The following GNAQ variants were observed in gnomAD, a reference collection of about 807,000 sequenced individuals.
GNAQ encodes guanine nucleotide-binding protein G(q) subunit alpha.
In GNAQ, 8 loss-of-function variants were observed where a neutral mutation model predicts 43.9. That is an observed-to-expected ratio of 0.18 (90% CI 0.11 to 0.33). The LOEUF is 0.33. Among genes scored for constraint, GNAQ ranks in the 10% least tolerant of loss-of-function variants. The probability of loss-of-function intolerance (pLI) is 1.00; values close to 1 mark genes in which losing one functional copy is unlikely to be tolerated. For missense variants in GNAQ, 158 were observed against 450.8 expected (o/e 0.35, Z 5.88); for synonymous variants, 155 against 170.7 (o/e 0.91, Z 0.71).
At chr9:78,019,710 G>C (rs951743311) in intron 1 of GNAQ, among the ~76,000 whole-genome samples, 1 of 152,154 alleles carries the variant, frequency 6.6e-6, no homozygotes, top group African/African-American at 2.4e-5. Flanking sequence ...ATCACCTGAG[G>C]TCAGGAGTTT....
At chr9:77,947,315 T>C (rs927036462) in intron 1 of GNAQ, among the ~76,000 whole-genome samples, 15 of 152,210 alleles carry the variant, frequency 9.9e-5, no homozygotes, top group Non-Finnish European at 1.2e-4. Context: ...TGGACTGTAC[T>C]TCCCAGGGGC....
intron 5 of GNAQ, among the ~76,000 whole-genome samples, chr9:77,785,624 C>A (rs187978231): frequency 1.3e-3 from 195 of 152,292 alleles, no homozygotes; most frequent in African/African-American, 4.5e-3. Context: ...AATCTGTATA[C>A]TTTTCTATAC....
At chr9:77,985,106 C>T (rs1047838100) in intron 1 of GNAQ, among the ~76,000 whole-genome samples, 75 of 152,088 alleles carry the variant, frequency 4.9e-4, no homozygotes, top group African/African-American at 1.7e-3. Flanking sequence ...GTGAGGAGAT[C>T]GAGACCATCC....
intron 6 of GNAQ, among the ~76,000 whole-genome samples, chr9:77,722,639 T>C (rs1041814750): frequency 1.3e-5 from 2 of 149,466 alleles, no homozygotes; most frequent in African/African-American, 2.5e-5. Context: ...TTAAAAACTT[T>C]ATGTATCTAA....
At chr9:77,801,251 G>A (rs912383514) in intron 3 of GNAQ, among the ~76,000 whole-genome samples, 1 of 152,178 alleles carries the variant, frequency 6.6e-6, no homozygotes, top group Admixed American at 6.5e-5. Flanking sequence ...CCACTTACAA[G>A]GGGTTAGAGG....
At chr9:77,794,673 C>G (rs1306080267) in intron 4 of GNAQ, 81 bp from the exon 5 acceptor site, 1 of 718,788 alleles carries the variant, frequency 1.4e-6, no homozygotes, top group East Asian at 2.8e-5. Context: ...TACTTACAAA[C>G]TTAGGGAAAA....
intron 3 of GNAQ, among the ~76,000 whole-genome samples, chr9:77,809,642 C>T (rs937800890): frequency 6.6e-6 from 1 of 152,166 alleles, no homozygotes; most frequent in African/African-American, 2.4e-5. Flanking sequence ...GAAGAATTCA[C>T]CAAATTAAGG....
chr9:77,881,662 G>A (rs1828209356), intron 2 of GNAQ, among the ~76,000 whole-genome samples: 1 of 152,144 alleles, frequency 6.6e-6, no homozygotes, highest in Non-Finnish European at 1.5e-5. Context: ...GGGATTACAG[G>A]CATGAGCCAC....
In GNAQ at chr9:77,817,656, C is replaced by T. The variant is rs568899846; in HGVS notation, c.322-1886G>A. 3.2e-4 allele frequency among the ~76,000 whole-genome samples: 49 copies of T among 152,298 alleles called. No individual in the cohort carries two copies. The East Asian group carries it at 3.9e-3, about 12-fold the overall frequency. ...AAATATATAATGAATACATCTACAA[C>T]GCACAGAGCACCAAAATGTTAAGAC... On this transcript the variant is annotated intron_variant, in intron 2 of 6. Transcript: ENST00000286548.
At chr9:77,818,037 A>G (rs921041689) in intron 2 of GNAQ, among the ~76,000 whole-genome samples, 2 of 152,182 alleles carry the variant, frequency 1.3e-5, no homozygotes, top group Admixed American at 1.3e-4. Flanking sequence ...AAACAAAAAA[A>G]AACTGTCTTG....
chr9:77,918,088 G>A (rs1828940268), intron 2 of GNAQ, among the ~76,000 whole-genome samples: 1 of 152,124 alleles, frequency 6.6e-6, no homozygotes, highest in Non-Finnish European at 1.5e-5. Context: ...AGGAGCAACA[G>A]AAACCTCAGT....
intron 2 of GNAQ, among the ~76,000 whole-genome samples, chr9:77,914,255 T>G (rs1828858712): frequency 6.6e-6 from 1 of 152,188 alleles, no homozygotes; most frequent in Non-Finnish European, 1.5e-5. Flanking sequence ...TCCATGGTGA[T>G]TCAACTCCCA....
intron 1 of GNAQ, among the ~76,000 whole-genome samples, chr9:78,012,549 T>C (rs1181175578): frequency 6.6e-6 from 1 of 152,030 alleles, no homozygotes; most frequent in Admixed American, 6.6e-5. Flanking sequence ...AGGAAATATA[T>C]CACCCATGGA....
intron 1 of GNAQ, among the ~76,000 whole-genome samples, chr9:78,022,071 C>T (rs1823917538): frequency 6.6e-6 from 1 of 152,192 alleles, no homozygotes; most frequent in South Asian, 2.1e-4. Context: ...CTTGCTAAGG[C>T]TTCATTCACA....
chr9:77,871,641 T>TGGC (rs1828039606), intron 2 of GNAQ, among the ~76,000 whole-genome samples: 1 of 152,196 alleles, frequency 6.6e-6, no homozygotes, highest in Non-Finnish European at 1.5e-5. Context: ...TGCCTCTTGG[T>TGGC]GGCTTCCTCC....
chr9:77,971,510 C>G (rs561279739), intron 1 of GNAQ, among the ~76,000 whole-genome samples: 1 of 152,292 alleles, frequency 6.6e-6, no homozygotes, highest in South Asian at 2.1e-4. Context: ...ATCACATGAA[C>G]AGAACCAACG....
At chr9:77,735,444 CTG>C (rs1825562851) in intron 5 of GNAQ, among the ~76,000 whole-genome samples, 1 of 152,126 alleles carries the variant, frequency 6.6e-6, no homozygotes, top group Non-Finnish European at 1.5e-5. Context: ...TCTCATTTGT[CTG>C]TGTCTACTGG....
At chr9:77,910,344 A>G (rs1344992688) in intron 2 of GNAQ, among the ~76,000 whole-genome samples, 1 of 152,228 alleles carries the variant, frequency 6.6e-6, no homozygotes, top group Non-Finnish European at 1.5e-5. Context: ...AAATAGATGC[A>G]TTGTTTTAAA....
At chr9:77,792,012 C>T (rs140894425) in intron 5 of GNAQ, among the ~76,000 whole-genome samples, 131 of 152,126 alleles carry the variant, frequency 8.6e-4, no homozygotes, top group African/African-American at 3.0e-3. Context: ...CATTATCATA[C>T]ATTAGTACAA....
Sources: gnomAD v4.1 joint callset for allele counts (sites outside exome capture counted in the v4.1 genomes callset) on GRCh38, gnomAD v4.1.1 for gene constraint, MANE v1.5 for transcripts, NCBI Gene and HGNC (gene_info 2026-07-23, HGNC 2026-07-21) for gene names.